DCHS2: variants seen among roughly 807,000 people sequenced by gnomAD.
DCHS2 encodes the protein protocadherin-23.
DCHS2 carries 142 observed loss-of-function variants against 182.4 expected under a neutral mutation model. That is an observed-to-expected ratio of 0.78 (90% CI 0.68 to 0.89). The LOEUF (loss-of-function observed/expected upper bound fraction) is 0.89. Ranked by LOEUF, DCHS2 falls within the 40% of genes least tolerant of loss-of-function variation. DCHS2 has a pLI of 0.00. For missense variants in DCHS2, 4,319 were observed against 4,198.6 expected (o/e 1.03, Z -0.79); for synonymous variants, 1,740 against 1,663.3 (o/e 1.05, Z -1.12).
rs932400997 is a variant in DCHS2, at chr4:154,426,373, T to G, written c.2053-48929A>C. ...TGACAGTAATAGTACCATAGATTCT[T>G]TAAAGTCACCTGTTTTCTCACTTTG... is the stretch of plus-strand genomic sequence containing the variant. On this transcript the variant is annotated intron_variant, in intron 1 of 19. Coordinates refer to ENST00000357232, the MANE Select transcript of DCHS2 (RefSeq NM_001358235.2). 9.2e-5 allele frequency among the ~76,000 whole-genome samples: 14 copies of G among 152,188 alleles called. 1 individual carries two copies. The highest frequency in any genetic ancestry group is 1.5e-4 in the Non-Finnish European group (10 of 68,036).
At chr4:154,400,120 G>A (rs1166025875) in intron 1 of DCHS2, among the ~76,000 whole-genome samples, 1 of 151,870 alleles carries the variant, frequency 6.6e-6, no homozygotes, top group East Asian at 1.9e-4. Context: ...TGGCTAACAC[G>A]GTAAAACCCC....
chr4:154,478,471 G>A (rs1735778929), intron 1 of DCHS2, among the ~76,000 whole-genome samples: 2 of 152,166 alleles, frequency 1.3e-5, no homozygotes, highest in African/African-American at 4.8e-5. Context: ...TATGGAGTGA[G>A]TTTCCCATTT....
At position 154,234,202 on chromosome 4, in the gene DCHS2, T is replaced by C. The variant is rs1486044111; in HGVS notation, c.*334A>G. ...CAATGTGACCAGAGTACACTATATTTTGTTTCCATATAAACATTCTGGCAG... is the reference window on the plus strand; with the variant it reads ...CAATGTGACCAGAGTACACTATATTCTGTTTCCATATAAACATTCTGGCAG... On this transcript the variant is annotated 3_prime_UTR_variant, in exon 20 of 20. Transcript: ENST00000357232. 2 of 209,626 alleles carry C rather than the reference T, an allele frequency of 9.5e-6. No individual in the cohort carries two copies. The highest frequency in any genetic ancestry group is 1.9e-5 in the Non-Finnish European group (2 of 105,904). The allele number at this position is 209,626 out of a possible 1,614,324, so 13.0% of individuals were successfully genotyped here.
chr4:154,364,873 G>A (rs1477775756), intron 3 of DCHS2, among the ~76,000 whole-genome samples: 1 of 151,768 alleles, frequency 6.6e-6, no homozygotes, highest in African/African-American at 2.4e-5. Flanking sequence ...TCTACCCACT[G>A]TTTGGATCAG....
chr4:154,235,899 G>C lies in DCHS2; in HGVS notation c.8753C>G (p.Ser2918Cys). The change falls in exon 20 of 20, where the codon TCC (serine) becomes TGC (cysteine). Residue 2918 changes from serine (S) to cysteine (C), a missense_variant. Transcript: ENST00000357232. ...AAAGAAAGGAGATGAGGTTCCAAGG[G>C]AGTAAAGAATGACTCCATCAATACC... ...DAGIDGVILYSLGTSSPFFSV... is the reference protein window; with the variant it reads ...DAGIDGVILYCLGTSSPFFSV... 6.2e-7 allele frequency: 1 copy of C among 1,614,000 alleles called. No homozygotes were observed. The highest frequency in any genetic ancestry group is 8.5e-7 in the Non-Finnish European group (1 of 1,179,942).
intron 1 of DCHS2, among the ~76,000 whole-genome samples, chr4:154,484,479 T>G (rs1728508671): frequency 1.3e-5 from 2 of 152,200 alleles, no homozygotes; most frequent in South Asian, 4.1e-4. Flanking sequence ...CTCCCATTAC[T>G]TCACTACAGG....
At chr4:154,474,676 G>A (rs748669415) in intron 1 of DCHS2, among the ~76,000 whole-genome samples, 79 of 131,958 alleles carry the variant, frequency 6.0e-4, no homozygotes, top group Non-Finnish European at 8.2e-4. Flanking sequence ...CCCCGATCCC[G>A]GGCCAAGCCT....
At chr4:154,308,636 G>A (rs930941797) in intron 10 of DCHS2, among the ~76,000 whole-genome samples, 1 of 152,176 alleles carries the variant, frequency 6.6e-6, no homozygotes, top group Admixed American at 6.5e-5. Context: ...TGGAAAGTGT[G>A]ATGGAATATA....
chr4:154,435,077 C>T (rs574103150), intron 1 of DCHS2, among the ~76,000 whole-genome samples: 2 of 152,242 alleles, frequency 1.3e-5, no homozygotes, highest in South Asian at 2.1e-4. Context: ...AGGTTTGTTT[C>T]TTTGTTTTGA....
intron 1 of DCHS2, 39 bp from the exon 2 acceptor site, chr4:154,377,483 C>A: frequency 1.3e-6 from 2 of 1,525,832 alleles, no homozygotes; most frequent in Non-Finnish European, 1.8e-6. Context: ...AACAGAAATG[C>A]TAGCATTACT....
chr4:154,366,838 T>A (rs1730393540), intron 2 of DCHS2, among the ~76,000 whole-genome samples: 1 of 152,314 alleles, frequency 6.6e-6, no homozygotes, highest in South Asian at 2.1e-4. Context: ...CAAGGAAATT[T>A]GTCCTGATGT....
intron 17 of DCHS2, among the ~76,000 whole-genome samples, chr4:154,241,768 T>C (rs1731837162): frequency 6.6e-6 from 1 of 152,132 alleles, no homozygotes; most frequent in South Asian, 2.1e-4. Context: ...GATCCTTCAA[T>C]AAAATCAAAT....
intron 15 of DCHS2, among the ~76,000 whole-genome samples, chr4:154,257,892 A>G (rs1248248104): frequency 6.6e-6 from 1 of 152,182 alleles, no homozygotes; most frequent in East Asian, 1.9e-4. Flanking sequence ...GCTCTCTCTC[A>G]TTCAGTGCAC....
At position 154,468,691 on chromosome 4, in the gene DCHS2, T is replaced by G. The variant is rs539538268; in HGVS notation, c.2052+20613A>C. Among the ~76,000 whole-genome samples, 4 of 152,282 alleles carry G rather than the reference T, an allele frequency of 2.6e-5. No individual in the cohort carries two copies. In the South Asian group the frequency reaches 8.3e-4, roughly 32 times the overall value. On this transcript the variant is annotated intron_variant, in intron 1 of 19. Transcript: ENST00000357232. ...TTCTCCTAAAATAAAAATCCTACATTTATTAACTAATTTATTAAATTTATT... is the reference window on the plus strand; with the variant it reads ...TTCTCCTAAAATAAAAATCCTACATGTATTAACTAATTTATTAAATTTATT...
chr4:154,236,279 T>G lies in DCHS2; in HGVS notation c.8373A>C (p.Ile2791=). The change falls in exon 20 of 20, where the codon ATA becomes ATC. Residue 2791 remains isoleucine (I), a synonymous_variant. Coordinates refer to ENST00000357232, the MANE Select transcript of DCHS2 (RefSeq NM_001358235.2). ...GACCAGCATCAAAATCCAGAGCATT[T>G]ATAGAGCATATGGTAGAGGAAATAG... is the stretch of plus-strand genomic sequence containing the variant. The part of the protein sequence containing the change: ...NLPISSTICS[I]NALDFDAGPY... 1 of 1,614,030 alleles carries G rather than the reference T, an allele frequency of 6.2e-7. No homozygotes were observed. The highest frequency in any genetic ancestry group is 8.5e-7 in the Non-Finnish European group (1 of 1,179,964).
chr4:154,265,689 C>T (rs1035521818), intron 14 of DCHS2, among the ~76,000 whole-genome samples: 1 of 151,554 alleles, frequency 6.6e-6, no homozygotes, highest in African/African-American at 2.4e-5. Flanking sequence ...AAAAGAGAGA[C>T]ATAAAGTGAT....
intron 14 of DCHS2, among the ~76,000 whole-genome samples, chr4:154,260,363 C>T (rs1732933804): frequency 6.6e-6 from 1 of 152,176 alleles, no homozygotes; most frequent in Non-Finnish European, 1.5e-5. Flanking sequence ...GAAAGTCTAT[C>T]TTTCAAATTT....
At chr4:154,244,962 C>T (rs1732005365) in intron 16 of DCHS2, among the ~76,000 whole-genome samples, 1 of 152,132 alleles carries the variant, frequency 6.6e-6, no homozygotes. Context: ...AGTTAAGTTT[C>T]TATCAACTCT....
At chr4:154,482,081 G>C (rs1033512734) in intron 1 of DCHS2, among the ~76,000 whole-genome samples, 1 of 152,142 alleles carries the variant, frequency 6.6e-6, no homozygotes, top group African/African-American at 2.4e-5. Flanking sequence ...AGGAAGACAC[G>C]GTGTCTTACT....
Sources: gnomAD v4.1 joint callset for allele counts (sites outside exome capture counted in the v4.1 genomes callset) on GRCh38, gnomAD v4.1.1 for gene constraint, MANE v1.5 for transcripts, NCBI Gene and HGNC (gene_info 2026-07-23, HGNC 2026-07-21) for gene names.